Variants in PCDHGB1 observed in about 807,000 individuals in gnomAD.
PCDHGB1 encodes protocadherin gamma-B1.
A neutral mutation model predicts 56.6 loss-of-function variants in PCDHGB1; 34 were observed. The ratio of observed to expected loss-of-function variants is 0.60; its 90% CI spans 0.46 to 0.80. The LOEUF (loss-of-function observed/expected upper bound fraction) is 0.80, where lower values mean the gene tolerates loss of function less well. PCDHGB1 is among the 30% of genes least tolerant of loss of function. PCDHGB1 has a pLI of 0.00. For synonymous variants in PCDHGB1, 561 were observed against 505.9 expected (o/e 1.11, Z -1.46); for missense variants, 1,278 against 1,204.6 (o/e 1.06, Z -0.90).
chr5:141,476,328 G>C lies in PCDHGB1; in HGVS notation c.2410-18479G>C, dbSNP rs1381722714. On this transcript the variant is annotated intron_variant, in intron 1 of 3. Coordinates refer to ENST00000523390, the MANE Select transcript of PCDHGB1 (RefSeq NM_018922.3). This position sits in a 1 kb window ranked among gnomAD's most constrained non-coding sequence, Gnocchi z 7.6. Reference sequence around the variant, plus strand: ...GCCCGCAGGTTCCGGGTGGTGTCTGGAGCTAGCCGAAGATTCTTTGAGGTG... The same window carrying C: ...GCCCGCAGGTTCCGGGTGGTGTCTGCAGCTAGCCGAAGATTCTTTGAGGTG... 1 of 1,614,176 alleles carries C rather than the reference G, an allele frequency of 6.2e-7. No individual in the cohort carries two copies. Among genetic ancestry groups the C allele is most frequent in the East Asian group, 2.2e-5 (1 of 44,864 alleles).
At chr5:141,508,737 C>G (rs919094477) in intron 3 of PCDHGB1, among the ~76,000 whole-genome samples, 2 of 152,010 alleles carry the variant, frequency 1.3e-5, no homozygotes, top group Non-Finnish European at 2.9e-5. Flanking sequence ...CTACACCCCC[C>G]ACCCCGCTCT....
intron 2 of PCDHGB1, among the ~76,000 whole-genome samples, chr5:141,501,703 G>A (rs183907124): frequency 6.6e-6 from 1 of 152,088 alleles, no homozygotes; most frequent in Non-Finnish European, 1.5e-5. Flanking sequence ...GTGATTCCGA[G>A]GATAAAAAAG....
chr5:141,485,408 T>C lies in PCDHGB1; in HGVS notation c.2410-9399T>C. On this transcript the variant is annotated intron_variant, in intron 1 of 3. Transcript: ENST00000523390. The surrounding 1 kb of genome is among the most constrained non-coding windows in gnomAD (Gnocchi z 5.7). ...GAACCAAAGACACTTCCGTGTGGAT[T>C]TGGACAGCGGAGCCCTGCTCATCAA... 1 of 1,614,112 alleles carries C rather than the reference T, an allele frequency of 6.2e-7. No individual in the cohort carries two copies. Among genetic ancestry groups the C allele is most frequent in the Non-Finnish European group, 8.5e-7 (1 of 1,180,034 alleles).
intron 1 of PCDHGB1, chr5:141,393,452 G>A (rs189963623): frequency 6.2e-7 from 1 of 1,614,030 alleles, no homozygotes; most frequent in Non-Finnish European, 8.5e-7. Context: ...TGGTCCTCAC[G>A]GCCTCGGATG....
chr5:141,451,095 T>G (rs1158753327), intron 1 of PCDHGB1, among the ~76,000 whole-genome samples: 2 of 152,180 alleles, frequency 1.3e-5, no homozygotes, highest in African/African-American at 4.8e-5. Context: ...CCCAAAGTGT[T>G]GGGATTACAG....
intron 1 of PCDHGB1, among the ~76,000 whole-genome samples, chr5:141,405,721 A>G (rs1295046106): frequency 1.3e-5 from 2 of 151,702 alleles, no homozygotes; most frequent in African/African-American, 4.8e-5. Context: ...CAAGTGATCC[A>G]CCCACCTCAG....
At position 141,376,027 on chromosome 5, in the gene PCDHGB1, C is replaced by T. The variant is rs750383085; in HGVS notation, c.2409+23358C>T. The T allele has an allele frequency of 1.9e-6, 3 of 1,613,250 alleles. No homozygotes were observed. In the East Asian group the frequency reaches 6.7e-5, roughly 36 times the overall value. ...AGAGCCTAGTGGTGGCCGTCCAGGACCACGGCCAGCCCCCTCTCTCCGCCA... is the reference window on the plus strand; with the variant it reads ...AGAGCCTAGTGGTGGCCGTCCAGGATCACGGCCAGCCCCCTCTCTCCGCCA... On this transcript the variant is annotated intron_variant, in intron 1 of 3. Coordinates refer to ENST00000523390, the MANE Select transcript of PCDHGB1 (RefSeq NM_018922.3).
chr5:141,482,747 G>T lies in PCDHGB1; in HGVS notation c.2410-12060G>T, dbSNP rs182945398. On this transcript the variant is annotated intron_variant, in intron 1 of 3. Transcript: ENST00000523390. ...CATTGCAAGAAATTCCATGCAGAGG[G>T]ATTATGGTATTTCATTATCACTGAA... Among the ~76,000 whole-genome samples, 567 of 128,410 alleles carry T rather than the reference G, an allele frequency of 4.4e-3. 2 individuals carry two copies. The highest frequency in any genetic ancestry group is 0.019 in the African/African-American group (533 of 28,666). The allele number at this position is 128,410 out of a possible 152,430, so 84.2% of individuals were successfully genotyped here. A position where few individuals can be genotyped will look rare whatever the true frequency, so the allele number is the denominator to read the frequency against.
At chr5:141,389,326 C>T (rs763831269) in intron 1 of PCDHGB1, 1 of 1,613,994 alleles carries the variant, frequency 6.2e-7, no homozygotes, top group Admixed American at 1.7e-5. Flanking sequence ...GACTTGGGGC[C>T]CAACGGCCAA....
rs1344329529 is a variant in PCDHGB1, at chr5:141,456,847, C to T, written c.2410-37960C>T. Among the ~76,000 whole-genome samples the T allele has an allele frequency of 2.0e-5, 3 of 152,084 alleles. No homozygotes were observed. The East Asian group carries it at 5.8e-4, about 29-fold the overall frequency. ...TCGTGGTAGTGGGCGCCTGTAATCC[C>T]AGCTAATTGGGAGGCTGAGGCAGGA... On this transcript the variant is annotated intron_variant, in intron 1 of 3. Transcript: ENST00000523390.
At position 141,419,994 on chromosome 5, in the gene PCDHGB1, C is replaced by T. The variant is rs757658202; in HGVS notation, c.2409+67325C>T. 1.9e-6 allele frequency: 3 copies of T among 1,614,072 alleles called. No homozygotes were observed. Among genetic ancestry groups the T allele is most frequent in the East Asian group, 4.5e-5 (2 of 44,884 alleles). ...CTCCTCGCGGTGATTCTAGCTATTG[C>T]TCTACGCCTGCGACAGTCTTTCAGC... On this transcript the variant is annotated intron_variant, in intron 1 of 3. Coordinates refer to ENST00000523390, the MANE Select transcript of PCDHGB1 (RefSeq NM_018922.3).
chr5:141,486,175 C>T lies in PCDHGB1; in HGVS notation c.2410-8632C>T. ...GTTCTCCAGCCATGGAGCAACATTG[C>T]AGCCTTCGAGTGGATCTGCTGGACG... On this transcript the variant is annotated intron_variant, in intron 1 of 3. Transcript: ENST00000523390. The surrounding 1 kb of genome is among the most constrained non-coding windows in gnomAD (Gnocchi z 5.0). 1 of 1,614,210 alleles carries T rather than the reference C, an allele frequency of 6.2e-7. No individual in the cohort carries two copies.
Position 141,398,041 on chromosome 5 carries a change from G to T in PCDHGB1, c.2409+45372G>T, listed in dbSNP as rs114009258. On this transcript the variant is annotated intron_variant, in intron 1 of 3. Coordinates refer to ENST00000523390, the MANE Select transcript of PCDHGB1 (RefSeq NM_018922.3). ...TAAACTGGAACTGGAACTAAAGCCC[G>T]TTCGGAGATCCAAAAATCTACAATA... 1,416 of 1,492,890 alleles carry T rather than the reference G, an allele frequency of 9.5e-4. 9 individuals are homozygous for T. The African/African-American group carries it at 0.016, about 16-fold the overall frequency. 92.5% of individuals were successfully genotyped at this position (1,492,890 alleles called of 1,614,324 possible).
intron 1 of PCDHGB1, among the ~76,000 whole-genome samples, chr5:141,483,913 C>G (rs988014158): frequency 6.7e-6 from 1 of 148,188 alleles, no homozygotes; most frequent in African/African-American, 2.5e-5. Context: ...GTTTCCCACT[C>G]AGATTGCAGG....
At chr5:141,501,288 T>TATACAC (rs201660636) in intron 2 of PCDHGB1, among the ~76,000 whole-genome samples, 3,536 of 81,176 alleles carry the variant, frequency 0.044, 56 homozygotes, top group Admixed American at 0.065. Flanking sequence ...GATATTCCCT[T>TATACAC]ATACACACAC....
chr5:141,389,928 C>G, intron 1 of PCDHGB1: 1 of 1,614,066 alleles, frequency 6.2e-7, no homozygotes, highest in Non-Finnish European at 8.5e-7. Flanking sequence ...CCCCTCTGAC[C>G]TCCAGGCTGA....
chr5:141,421,130 A>G, intron 1 of PCDHGB1: 1 of 827,800 alleles, frequency 1.2e-6, no homozygotes, highest in South Asian at 1.8e-5. Context: ...GCTTTCTGAT[A>G]TATTTTGGAT....
chr5:141,465,171 G>T (rs969390966), intron 1 of PCDHGB1, among the ~76,000 whole-genome samples: 1 of 151,728 alleles, frequency 6.6e-6, no homozygotes, highest in Non-Finnish European at 1.5e-5. Flanking sequence ...TGTTTATGAA[G>T]AAATTTAATT....
rs201139834 is a variant in PCDHGB1 at position 141,371,333 on chromosome 5, T to G, written c.2409+18664T>G. ...GAGAACTGGACTTTGAAGAGAGAGA[T>G]AGCTACACAATTGGGGTGGAAGCAA... On this transcript the variant is annotated intron_variant, in intron 1 of 3. Transcript: ENST00000523390. 80 of 1,613,850 alleles carry G rather than the reference T, an allele frequency of 5.0e-5. No homozygotes were observed. The East Asian group carries it at 1.7e-3, about 34-fold the overall frequency.
Sources: allele counts gnomAD v4.1 joint callset (sites outside exome capture counted in the v4.1 genomes callset), GRCh38; gene constraint gnomAD v4.1.1; non-coding constraint Gnocchi (gnomAD v3.1); transcripts MANE v1.5; gene names NCBI Gene and HGNC (gene_info 2026-07-23, HGNC 2026-07-21).